NLRP14: variants seen among roughly 807,000 people sequenced by gnomAD.
NLRP14 encodes the protein NLR family pyrin domain containing 14.
In NLRP14, 105 loss-of-function variants were observed where a neutral mutation model predicts 94.7. The observed-to-expected ratio is 1.11, with a 90% CI of 0.95 to 1.30. NLRP14 has a LOEUF of 1.30. Ranked by LOEUF, NLRP14 falls within the 50% of genes most tolerant of loss-of-function variation. The pLI is 0.00. For synonymous variants in NLRP14, 508 were observed against 459.9 expected, an observed-to-expected ratio of 1.10 and a Z score of -1.34; for missense variants, 1,362 against 1,254.1, an observed-to-expected ratio of 1.09 and a Z score of -1.30.
intron 6 of NLRP14, among the ~76,000 whole-genome samples, chr11:7,055,710 T>G (rs1420351013): frequency 1.3e-5 from 2 of 152,138 alleles, no homozygotes; most frequent in Non-Finnish European, 2.9e-5. Flanking sequence ...GCAGAGCTTA[T>G]TCTAGGTAGA....
rs750621694 is a variant in NLRP14 at position 7,044,008 on chromosome 11, TG to T, written c.1958+26del. 7 of 1,608,646 alleles carry T rather than the reference TG, an allele frequency of 4.4e-6. No individual in the cohort carries two copies. In the South Asian group the frequency reaches 7.7e-5, roughly 18 times the overall value. On this transcript the variant is annotated intron_variant, in intron 4 of 11. Transcript: ENST00000299481. Reference sequence around the variant, plus strand: ...TGGTAAGTGTGTTAGGGCCATTCCCTGGAAGTGCCCTGTAAGGGAGAGACGT... The same window carrying T: ...TGGTAAGTGTGTTAGGGCCATTCCCTGAAGTGCCCTGTAAGGGAGAGACGT...
the NLRP14 span, among the ~76,000 whole-genome samples, chr11:7,078,849 C>T: frequency 1.3e-5 from 2 of 152,156 alleles, no homozygotes; most frequent in Non-Finnish European, 2.9e-5. Context: ...GAGTCTCCCT[C>T]CCTACTACTG....
rs763963673 is a variant in NLRP14 at position 7,062,440 on chromosome 11, A to G, written c.2912A>G (p.Asp971Gly). ...GACCTTGGGAACAACGATTTGCAGG[A>G]TGATGGAGTGAAAATTCTGTGTGAT... ...SLDLGNNDLQ[D>G]DGVKILCDAL... The change falls in exon 10 of 12, where the codon GAT becomes GGT. Residue 971 changes from aspartate (D) to glycine (G), a missense_variant. Physicochemically the swap from Asp to Gly is moderately conservative, Grantham distance 94 (BLOSUM62 -1). Transcript: ENST00000299481. 2.5e-6 allele frequency: 4 copies of G among 1,613,280 alleles called. No individual in the cohort carries two copies. The East Asian group carries it at 8.9e-5, about 36-fold the overall frequency.
In NLRP14 at chr11:7,043,483, T is replaced by G. The variant is rs777501433; in HGVS notation, c.1457T>G (p.Phe486Cys). 1.9e-6 allele frequency: 3 copies of G among 1,614,008 alleles called. No homozygotes were observed. The African/African-American group carries it at 4.0e-5, about 22-fold the overall frequency. Residue 486 changes from phenylalanine (F) to cysteine (C), a missense_variant, in exon 4 of 12, where the codon TTT (phenylalanine) becomes TGT (cysteine). Physicochemically the swap from Phe to Cys is radical, Grantham distance 205 (BLOSUM62 -2). Transcript: ENST00000299481. ...TTCACCCACCTTCATGTTCAGGAGT[T>G]TTTTGCAGCTATGTTCTATATGTTG... is the stretch of plus-strand genomic sequence containing the variant. ...YVFTHLHVQE[F>C]FAAMFYMLKG...
At chr11:7,029,186 C>CT (rs992143353) in intron 1 of NLRP14, among the ~76,000 whole-genome samples, 1 of 152,114 alleles carries the variant, frequency 6.6e-6, no homozygotes, top group Non-Finnish European at 1.5e-5. Context: ...AATACTACCA[C>CT]TTTTATTTTA....
At chr11:7,038,002 C>T (rs576624005) in intron 1 of NLRP14, among the ~76,000 whole-genome samples, 1 of 151,738 alleles carries the variant, frequency 6.6e-6, no homozygotes, top group South Asian at 2.1e-4. Context: ...GTATTTATGA[C>T]CAGAAATGAC....
intron 5 of NLRP14, among the ~76,000 whole-genome samples, chr11:7,048,557 G>T (rs7118454): frequency 4.6e-5 from 7 of 152,056 alleles, no homozygotes; most frequent in Non-Finnish European, 1.0e-4. Flanking sequence ...TTTTCCTCCT[G>T]ATCTCAGTGT....
intron 1 of NLRP14, among the ~76,000 whole-genome samples, chr11:7,025,488 G>A (rs1051836346): frequency 1.3e-5 from 2 of 151,998 alleles, no homozygotes; most frequent in Non-Finnish European, 2.9e-5. Context: ...AACAGAGAAA[G>A]CCAAGATATA....
chr11:7,057,881 T>A, intron 7 of NLRP14, 34 bp downstream of exon 7: 1 of 1,574,352 alleles, frequency 6.4e-7, no homozygotes, highest in Non-Finnish European at 8.7e-7. Flanking sequence ...TGTAGAGTCA[T>A]TTTGCTTGGT....
chr11:7,030,248 C>G (rs539612874), intron 1 of NLRP14, among the ~76,000 whole-genome samples: 1 of 152,348 alleles, frequency 6.6e-6, no homozygotes, highest in South Asian at 2.1e-4. Context: ...ATGAATTCAT[C>G]TTAGAGCAGT....
At chr11:7,047,753 TC>T (rs780756769) in intron 5 of NLRP14, among the ~76,000 whole-genome samples, 5 of 131,566 alleles carry the variant, frequency 3.8e-5, no homozygotes, top group Non-Finnish European at 7.8e-5. Flanking sequence ...ATCTTCTTTC[TC>T]TTTCTTTTCT....
the NLRP14 span, chr11:7,089,975 C>T: frequency 1.9e-6 from 3 of 1,613,054 alleles, no homozygotes; most frequent in Non-Finnish European, 2.5e-6. Flanking sequence ...CCTTTGAGAG[C>T]TACGGAGAGC....
rs189424882 is a variant in NLRP14 at position 7,066,885 on chromosome 11, G to A, written c.2976-3401G>A. Among the ~76,000 whole-genome samples the A allele has an allele frequency of 9.5e-4, 144 of 152,138 alleles. 1 individual carries two copies. Among genetic ancestry groups the A allele is most frequent in the African/African-American group, 3.0e-3 (126 of 41,514 alleles). On this transcript the variant is annotated intron_variant, in intron 10 of 11. Transcript: ENST00000299481. ...ATTTTGTGTAAGGAAGGTATAATGC[G>A]TAAGGAAGGGGTCCAGTTTCAGTTT...
chr11:7,081,936 G>A, the NLRP14 span, among the ~76,000 whole-genome samples: 389 of 152,276 alleles, frequency 2.6e-3, 2 homozygotes, highest in African/African-American at 9.2e-3. Flanking sequence ...TCCATTCACA[G>A]AGTTTGTTTC....
At chr11:7,082,221 G>A in the NLRP14 span, among the ~76,000 whole-genome samples, 1 of 152,144 alleles carries the variant, frequency 6.6e-6, no homozygotes, top group Non-Finnish European at 1.5e-5. Flanking sequence ...TTTTGAGGAA[G>A]GAGTGTGGTA....
At chr11:7,081,310 A>G in the NLRP14 span, among the ~76,000 whole-genome samples, 1 of 151,982 alleles carries the variant, frequency 6.6e-6, no homozygotes, top group African/African-American at 2.4e-5. Flanking sequence ...AAGAAGACAG[A>G]ATCCTGGTCT....
At chr11:7,053,947 TC>T (rs1852481022) in intron 6 of NLRP14, among the ~76,000 whole-genome samples, 1 of 152,054 alleles carries the variant, frequency 6.6e-6, no homozygotes, top group Admixed American at 6.6e-5. Context: ...TTCCCCTCAT[TC>T]CCCCACTGTG....
the NLRP14 span, among the ~76,000 whole-genome samples, chr11:7,079,549 C>G: frequency 6.6e-6 from 1 of 152,164 alleles, no homozygotes; most frequent in South Asian, 2.1e-4. Context: ...AATAATTTTT[C>G]AAAATAAGTA....
chr11:7,046,917 C>A, intron 5 of NLRP14, 85 bp downstream of exon 5: 1 of 957,462 alleles, frequency 1.0e-6, no homozygotes, highest in South Asian at 1.3e-5. Context: ...TAGGGGAAGC[C>A]AATGCTAAAC....
Sources: allele counts gnomAD v4.1 joint callset (sites outside exome capture counted in the v4.1 genomes callset), GRCh38; gene constraint gnomAD v4.1.1; transcripts MANE v1.5; gene names NCBI Gene and HGNC (gene_info 2026-07-23, HGNC 2026-07-21).